The following LRRTM4 variants were observed in gnomAD, a reference collection of about 807,000 sequenced individuals.
LRRTM4 encodes leucine-rich repeat transmembrane neuronal protein 4.
A neutral mutation model predicts 47.6 loss-of-function variants in LRRTM4; 25 were observed. The observed-to-expected ratio is 0.53, with a 90% CI of 0.38 to 0.73. LRRTM4 has a LOEUF of 0.73. Among genes scored for constraint, LRRTM4 ranks in the 30% least tolerant of loss-of-function variants. The pLI is 0.00. For synonymous variants in LRRTM4, 311 were observed against 269.5 expected (o/e 1.15, Z -1.51); for missense variants, 638 against 713.4 (o/e 0.89, Z 1.20).
intron 3 of LRRTM4, among the ~76,000 whole-genome samples, chr2:77,504,159 A>C (rs957219386): frequency 2.0e-5 from 3 of 151,722 alleles, no homozygotes; most frequent in Non-Finnish European, 3.0e-5. Context: ...AAAATGATAT[A>C]GATTCAGGTC....
intron 3 of LRRTM4, among the ~76,000 whole-genome samples, chr2:77,045,604 G>A (rs1679207303): frequency 6.6e-6 from 1 of 151,880 alleles, no homozygotes; most frequent in African/African-American, 2.4e-5. Context: ...TAGTGAGTAA[G>A]TCTCACAAGA....
chr2:77,113,772 G>C (rs1447639176), intron 3 of LRRTM4, among the ~76,000 whole-genome samples: 1 of 152,080 alleles, frequency 6.6e-6, no homozygotes, highest in Non-Finnish European at 1.5e-5. Context: ...AGGAGGGCGA[G>C]GGGCTGCAGA....
intron 3 of LRRTM4, among the ~76,000 whole-genome samples, chr2:77,126,367 G>A (rs1458233760): frequency 6.6e-6 from 1 of 152,082 alleles, no homozygotes; most frequent in Non-Finnish European, 1.5e-5. Context: ...TCATGTTGAG[G>A]TTATGGGGTA....
At chr2:76,886,618 CTT>C (rs1673083348) in intron 3 of LRRTM4, among the ~76,000 whole-genome samples, 1 of 151,854 alleles carries the variant, frequency 6.6e-6, no homozygotes, top group South Asian at 2.1e-4. Flanking sequence ...AATCAGTAGA[CTT>C]AATAAGAGCA....
chr2:77,183,222 T>G (rs1175196563), intron 3 of LRRTM4, among the ~76,000 whole-genome samples: 2 of 151,988 alleles, frequency 1.3e-5, no homozygotes, highest in Admixed American at 6.6e-5. Context: ...TACAATGAAC[T>G]CCAACAAATT....
At chr2:76,903,156 G>C (rs960431140) in intron 3 of LRRTM4, among the ~76,000 whole-genome samples, 5 of 152,036 alleles carry the variant, frequency 3.3e-5, no homozygotes, top group African/African-American at 1.2e-4. Context: ...TGGATCAAGA[G>C]GTCAGGAGAT....
intron 3 of LRRTM4, among the ~76,000 whole-genome samples, chr2:77,113,925 G>T (rs922820373): frequency 3.9e-5 from 6 of 152,078 alleles, no homozygotes; most frequent in Admixed American, 3.9e-4. Flanking sequence ...ATTCGGGGCC[G>T]CGGAAGCTGC....
chr2:77,089,589 C>T (rs1202946362), intron 3 of LRRTM4, among the ~76,000 whole-genome samples: 2 of 151,982 alleles, frequency 1.3e-5, no homozygotes, highest in Non-Finnish European at 2.9e-5. Flanking sequence ...CCCCTTCCCT[C>T]TGTTTCTCTA....
At chr2:76,819,043 A>G (rs1404420777) in intron 3 of LRRTM4, among the ~76,000 whole-genome samples, 1 of 151,810 alleles carries the variant, frequency 6.6e-6, no homozygotes, top group Admixed American at 6.6e-5. Context: ...TGAAATAAGA[A>G]TATTGCAGCA....
chr2:76,848,424 T>C (rs527282854), intron 3 of LRRTM4, among the ~76,000 whole-genome samples: 15 of 152,118 alleles, frequency 9.9e-5, no homozygotes, highest in Non-Finnish European at 1.5e-4. Flanking sequence ...TTCCCTCAAA[T>C]TTTAAGTCAT....
chr2:77,483,388 T>C (rs1677791403), intron 3 of LRRTM4, among the ~76,000 whole-genome samples: 1 of 152,126 alleles, frequency 6.6e-6, no homozygotes, highest in Non-Finnish European at 1.5e-5. Flanking sequence ...TAGCCCATGC[T>C]GGAGTGCAAT....
chr2:77,305,625 T>G (rs1558679332), intron 3 of LRRTM4, among the ~76,000 whole-genome samples: 1 of 152,136 alleles, frequency 6.6e-6, no homozygotes, highest in Admixed American at 6.5e-5. Context: ...TTTTAAAATT[T>G]TCATTGCATA....
intron 3 of LRRTM4, among the ~76,000 whole-genome samples, chr2:77,366,946 C>T (rs1356767677): frequency 6.6e-6 from 1 of 151,826 alleles, no homozygotes; most frequent in Non-Finnish European, 1.5e-5. Flanking sequence ...TTCTACTCTC[C>T]TTCATTAATG....
intron 3 of LRRTM4, among the ~76,000 whole-genome samples, chr2:76,795,125 C>G (rs756608324): frequency 6.6e-6 from 1 of 151,704 alleles, no homozygotes; most frequent in Non-Finnish European, 1.5e-5. Context: ...GATTTACTAA[C>G]AATAATATTA....
chr2:76,935,344 G>C (rs2103845744), intron 3 of LRRTM4, among the ~76,000 whole-genome samples: 1 of 152,102 alleles, frequency 6.6e-6, no homozygotes, highest in South Asian at 2.1e-4. Context: ...GGCTCTTTTT[G>C]GTTTCATATG....
At position 76,862,199 on chromosome 2, in the gene LRRTM4, T is replaced by G. The variant is rs143034736; in HGVS notation, c.1552-113283A>C. ...GAACTATCATCTCTAATTTCCACAG[T>G]GTTTGATATCATTTGATTTCTGTGC... On this transcript the variant is annotated intron_variant, in intron 3 of 3. Transcript: ENST00000409884. Among the ~76,000 whole-genome samples, 55 of 152,180 alleles carry G rather than the reference T, an allele frequency of 3.6e-4. No individual in the cohort carries two copies. In the East Asian group the frequency reaches 8.1e-3, roughly 22 times the overall value.
chr2:77,219,700 C>G (rs551616375), intron 3 of LRRTM4, among the ~76,000 whole-genome samples: 1 of 152,126 alleles, frequency 6.6e-6, no homozygotes, highest in African/African-American at 2.4e-5. Context: ...TGAGGATTCC[C>G]GCCATTCTTT....
At chr2:76,882,320 T>G (rs182654106) in intron 3 of LRRTM4, among the ~76,000 whole-genome samples, 1 of 152,180 alleles carries the variant, frequency 6.6e-6, no homozygotes, top group East Asian at 1.9e-4. Flanking sequence ...CATTATTTAT[T>G]ATTATATTTT....
chr2:77,376,711 T>A (rs1157047192), intron 3 of LRRTM4, among the ~76,000 whole-genome samples: 1 of 151,872 alleles, frequency 6.6e-6, no homozygotes, highest in Non-Finnish European at 1.5e-5. Flanking sequence ...TTATCAACTA[T>A]CATGATTTAT....
Sources: allele counts gnomAD v4.1 joint callset (sites outside exome capture counted in the v4.1 genomes callset), GRCh38; gene constraint gnomAD v4.1.1; transcripts MANE v1.5; gene names NCBI Gene and HGNC (gene_info 2026-07-23, HGNC 2026-07-21).